The following NEGR1 variants were observed in gnomAD, a reference collection of about 807,000 sequenced individuals.
The protein encoded by NEGR1 is neuronal growth regulator 1.
NEGR1 carries 10 observed loss-of-function variants against 40.9 expected under a neutral mutation model. The observed-to-expected ratio is 0.24, with a 90% CI of 0.15 to 0.42. The LOEUF (loss-of-function observed/expected upper bound fraction) is 0.42, where lower values mean the gene tolerates loss of function less well. Among genes scored for constraint, NEGR1 ranks in the 10% least tolerant of loss-of-function variants. The pLI is 1.00. For missense variants in NEGR1, 352 were observed against 438.9 expected (o/e 0.80, Z 1.77); for synonymous variants, 185 against 166.8 (o/e 1.11, Z -0.84).
At chr1:72,098,689 T>C (rs1206915990) in intron 1 of NEGR1, among the ~76,000 whole-genome samples, 1 of 152,154 alleles carries the variant, frequency 6.6e-6, no homozygotes, top group Non-Finnish European at 1.5e-5. Context: ...CTGAACTTAG[T>C]GTTTTTCCTT....
intron 6 of NEGR1, among the ~76,000 whole-genome samples, chr1:71,539,794 T>C (rs189313502): frequency 6.6e-6 from 1 of 151,802 alleles, no homozygotes; most frequent in Non-Finnish European, 1.5e-5. Flanking sequence ...CAAAAGCCAA[T>C]TCTGGTTTGA....
intron 4 of NEGR1, among the ~76,000 whole-genome samples, chr1:71,626,574 AG>A (rs1439081356): frequency 5.3e-5 from 8 of 152,008 alleles, no homozygotes; most frequent in Non-Finnish European, 1.2e-4. Flanking sequence ...CATGCTGTAT[AG>A]GCATGGGCAA....
At chr1:71,513,632 C>A (rs1647092882) in intron 6 of NEGR1, among the ~76,000 whole-genome samples, 1 of 152,174 alleles carries the variant, frequency 6.6e-6, no homozygotes. Context: ...TATATGTTTT[C>A]ATCCTGATTT....
At chr1:72,121,806 A>C (rs1231862072) in intron 1 of NEGR1, among the ~76,000 whole-genome samples, 3 of 152,060 alleles carry the variant, frequency 2.0e-5, no homozygotes, top group Non-Finnish European at 4.4e-5. Flanking sequence ...ATTTGTTGTA[A>C]CTTTCTGAGG....
chr1:71,943,272 C>CATAT (rs990771958), intron 1 of NEGR1, among the ~76,000 whole-genome samples: 1 of 149,752 alleles, frequency 6.7e-6, no homozygotes, highest in African/African-American at 2.4e-5. Context: ...GTATCATACA[C>CATAT]ATATATACAC....
Position 72,043,881 on chromosome 1 carries a change from G to C in NEGR1, c.177-108570C>G, listed in dbSNP as rs184819861. On this transcript the variant is annotated intron_variant, in intron 1 of 6. Transcript: ENST00000357731. The stretch of plus-strand genomic sequence containing the variant: ...CCTGGATATTTTGGTTGGACTTCCA[G>C]GACTGCTATTTAACAATATCCAACA... 2.0e-5 allele frequency among the ~76,000 whole-genome samples: 3 copies of C among 151,718 alleles called. No individual in the cohort carries two copies. The East Asian group carries it at 5.8e-4, about 29-fold the overall frequency.
intron 3 of NEGR1, among the ~76,000 whole-genome samples, chr1:71,733,048 G>A (rs1654939551): frequency 6.7e-6 from 1 of 149,856 alleles, no homozygotes; most frequent in African/African-American, 2.5e-5. Flanking sequence ...CTTTTCTCAA[G>A]TCAAATATGG....
chr1:72,095,221 T>C (rs1324371400), intron 1 of NEGR1, among the ~76,000 whole-genome samples: 1 of 152,122 alleles, frequency 6.6e-6, no homozygotes, highest in African/African-American at 2.4e-5. Context: ...AATACTGCAT[T>C]TCAAATAGTT....
rs544526081 is a variant in NEGR1, at chr1:71,405,865, C to T, written c.*1581G>A. ...TTAGGTGTACTGAAATTGGTAACTT[C>T]ATCAAACCTGTAAAATGGCTTTCAA... On this transcript the variant is annotated 3_prime_UTR_variant, in exon 7 of 7. Transcript: ENST00000357731. The T allele has an allele frequency of 1.3e-5, 2 of 152,252 alleles. No homozygotes were observed. The highest frequency in any genetic ancestry group is 1.9e-4 in the East Asian group (1 of 5,168). The allele number at this position is 152,252 out of a possible 1,614,324, so 9.4% of individuals were successfully genotyped here.
chr1:72,120,365 G>C (rs1649750498), intron 1 of NEGR1, among the ~76,000 whole-genome samples: 1 of 151,876 alleles, frequency 6.6e-6, no homozygotes, highest in Admixed American at 6.6e-5. Flanking sequence ...AATTATTGAA[G>C]AGTATAGCTA....
At chr1:71,781,679 G>C (rs144955713) in intron 2 of NEGR1, among the ~76,000 whole-genome samples, 1 of 152,032 alleles carries the variant, frequency 6.6e-6, no homozygotes, top group Admixed American at 6.6e-5. Context: ...CTGTTTCCTC[G>C]GTCAGGATAT....
At chr1:72,120,652 C>T (rs1348496776) in intron 1 of NEGR1, among the ~76,000 whole-genome samples, 3 of 151,804 alleles carry the variant, frequency 2.0e-5, no homozygotes, top group Non-Finnish European at 4.4e-5. Flanking sequence ...CAATGCTATC[C>T]CTCCCCACTA....
intron 6 of NEGR1, among the ~76,000 whole-genome samples, chr1:71,410,043 C>T (rs547131185): frequency 6.6e-6 from 1 of 152,120 alleles, no homozygotes; most frequent in East Asian, 1.9e-4. Context: ...CACTCAGCCT[C>T]CTATTGTCTT....
In NEGR1 at chr1:71,582,889, G is replaced by T. The variant is rs574764310; in HGVS notation, c.940+9928C>A. On this transcript the variant is annotated intron_variant, in intron 6 of 6. Transcript: ENST00000357731. Reference sequence around the variant, plus strand: ...TGAACGCTGCCCTGGTCAAAGGTTGGCCCTTAGGCTGCAACTTAAATCAAT... The same window carrying T: ...TGAACGCTGCCCTGGTCAAAGGTTGTCCCTTAGGCTGCAACTTAAATCAAT... Among the ~76,000 whole-genome samples, 4 of 152,222 alleles carry T rather than the reference G, an allele frequency of 2.6e-5. No individual in the cohort carries two copies. In the South Asian group the frequency reaches 8.3e-4, roughly 32 times the overall value.
chr1:72,074,382 T>C (rs1323804030), intron 1 of NEGR1, among the ~76,000 whole-genome samples: 1 of 152,110 alleles, frequency 6.6e-6, no homozygotes, highest in African/African-American at 2.4e-5. Flanking sequence ...GTTATACTTA[T>C]ATTAATATTA....
chr1:71,856,993 G>C (rs537535204), intron 2 of NEGR1, among the ~76,000 whole-genome samples: 1 of 151,958 alleles, frequency 6.6e-6, no homozygotes, highest in Non-Finnish European at 1.5e-5. Context: ...TGTATTTGCA[G>C]GCCCTTTCAG....
At chr1:72,004,183 GAT>G (rs762684315) in intron 1 of NEGR1, among the ~76,000 whole-genome samples, 5 of 150,860 alleles carry the variant, frequency 3.3e-5, no homozygotes, top group East Asian at 1.9e-4. Flanking sequence ...TTAAAAGGCT[GAT>G]ATATATATAT....
chr1:71,748,074 G>A (rs1360323318), intron 3 of NEGR1, among the ~76,000 whole-genome samples: 2 of 152,098 alleles, frequency 1.3e-5, no homozygotes, highest in Admixed American at 1.3e-4. Context: ...TTGAACAAGT[G>A]TAACTTTCCT....
At chr1:71,809,912 AAAACGT>A (rs1424363567) in intron 2 of NEGR1, among the ~76,000 whole-genome samples, 1 of 152,190 alleles carries the variant, frequency 6.6e-6, no homozygotes, top group Non-Finnish European at 1.5e-5. Context: ...AGTCAAGGAA[AAAACGT>A]AAAAGTTTTG....
Sources: allele counts gnomAD v4.1 joint callset (sites outside exome capture counted in the v4.1 genomes callset), GRCh38; gene constraint gnomAD v4.1.1; transcripts MANE v1.5; gene names NCBI Gene and HGNC (gene_info 2026-07-23, HGNC 2026-07-21).